CRX: variants seen among roughly 807,000 people sequenced by gnomAD.
CRX encodes the protein cone-rod homeobox protein.
A neutral mutation model predicts 13.1 loss-of-function variants in CRX; 5 were observed. That is an observed-to-expected ratio of 0.38 (90% CI 0.20 to 0.80). The LOEUF (loss-of-function observed/expected upper bound fraction) is 0.80. Among genes scored for constraint, CRX ranks in the 30% least tolerant of loss-of-function variants. CRX has a pLI of 0.43. For synonymous variants in CRX, 179 were observed against 171.1 expected (o/e 1.05, Z -0.36); for missense variants, 351 against 391.8 (o/e 0.90, Z 0.88).
Position 47,840,365 on chromosome 19 carries a change from ATAACT to A in CRX, c.*405_*409del, listed in dbSNP as rs565258200. On this transcript the variant is annotated 3_prime_UTR_variant, in exon 4 of 4. Transcript: ENST00000221996. ...TTGAACAAGCAGGTAGGGGGGCTTG[ATAACT>A]TAACTTTCCACGTGGACAGAATTTT... The A allele has an allele frequency of 1.3e-4, 29 of 227,212 alleles. No homozygotes were observed. In the South Asian group the frequency reaches 1.7e-3, roughly 13 times the overall value. 14.1% of individuals were successfully genotyped at this position (227,212 alleles called of 1,614,324 possible). A position where few individuals can be genotyped will look rare whatever the true frequency, so the allele number is the denominator to read the frequency against.
Position 47,836,268 on chromosome 19 carries a change from G to A in CRX, c.126G>A (p.Glu42=), listed in dbSNP as rs759088105. ...YPSAPRKQRR[E]RTTFTRSQLE... Reference sequence around the variant, plus strand: ...GCGCCCCCAGGAAGCAGCGGCGGGAGCGCACCACCTTCACCCGGAGCCAAC... The same window carrying A: ...GCGCCCCCAGGAAGCAGCGGCGGGAACGCACCACCTTCACCCGGAGCCAAC... The change falls in exon 3 of 4, where the codon GAG becomes GAA. Residue 42 remains glutamate, a synonymous_variant. Transcript: ENST00000221996. 6.2e-7 allele frequency: 1 copy of A among 1,614,178 alleles called. No homozygotes were observed.
intron 1 of CRX, 38 bp from the exon 2 acceptor site, chr19:47,834,371 C>T: frequency 8.7e-7 from 1 of 1,147,412 alleles, no homozygotes; most frequent in Non-Finnish European, 1.3e-6. Flanking sequence ...TGGTGAGTAA[C>T]TGGTAAGTGA....
chr19:47,832,532 C>T (rs1968065235), intron 1 of CRX, among the ~76,000 whole-genome samples: 1 of 151,884 alleles, frequency 6.6e-6, no homozygotes. Context: ...GTAGCCCAGG[C>T]TGGGGTGTGG....
chr19:47,826,433 T>C (rs1386929327), intron 1 of CRX, among the ~76,000 whole-genome samples: 1 of 138,064 alleles, frequency 7.2e-6, no homozygotes, highest in African/African-American at 2.7e-5. Flanking sequence ...GCAAGACACC[T>C]CTCTCTACAC....
chr19:47,829,818 G>A (rs998069102), intron 1 of CRX, among the ~76,000 whole-genome samples: 5 of 143,064 alleles, frequency 3.5e-5, no homozygotes, highest in African/African-American at 1.3e-4. Flanking sequence ...TTTTTTTTGT[G>A]GAGACAGCGT....
intron 3 of CRX, among the ~76,000 whole-genome samples, chr19:47,838,768 T>C (rs1968151515): frequency 6.6e-6 from 1 of 151,480 alleles, no homozygotes; most frequent in Admixed American, 6.6e-5. Flanking sequence ...TGTATGATCA[T>C]ATAGATGGGT....
In CRX at chr19:47,828,612, A is replaced by AGTGTGTGTGTGT. The variant is rs113277135; in HGVS notation, c.-35-5796_-35-5795insTGTGTGTGTGTG. On this transcript the variant is annotated intron_variant, in intron 1 of 3. Coordinates refer to ENST00000221996, the MANE Select transcript of CRX (RefSeq NM_000554.6). ...GTGTCTTGAAGAAAAGGAGGTAGGG[A>AGTGTGTGTGTGT]GCGTGTGTGTGTGTGTGTAAAATCC... Among the ~76,000 whole-genome samples, 1,433 of 149,602 alleles carry AGTGTGTGTGTGT rather than the reference A, an allele frequency of 9.6e-3. 14 individuals are homozygous for AGTGTGTGTGTGT. The highest frequency in any genetic ancestry group is 0.015 in the African/African-American group (627 of 40,494).
At chr19:47,836,209 T>G in intron 2 of CRX, 34 bp from the exon 3 acceptor site, 1 of 1,613,820 alleles carries the variant, frequency 6.2e-7, no homozygotes, top group Non-Finnish European at 8.5e-7. Flanking sequence ...CCCATGTGGA[T>G]GACCTGAGGG....
At chr19:47,835,900 C>T (rs1428394622) in intron 2 of CRX, among the ~76,000 whole-genome samples, 1 of 152,130 alleles carries the variant, frequency 6.6e-6, no homozygotes, top group East Asian at 1.9e-4. Flanking sequence ...GGATTATAGG[C>T]GTGAGCCACC....
At position 47,840,034 on chromosome 19, in the gene CRX, C is replaced by A; in HGVS notation, c.*67C>A. 1 of 1,580,270 alleles carries A rather than the reference C, an allele frequency of 6.3e-7. No homozygotes were observed. The highest frequency in any genetic ancestry group is 1.1e-5 in the South Asian group (1 of 90,042). On this transcript the variant is annotated 3_prime_UTR_variant, in exon 4 of 4. Coordinates refer to ENST00000221996, the MANE Select transcript of CRX (RefSeq NM_000554.6). The stretch of plus-strand genomic sequence containing the variant: ...TTTCTCTTCTGAATCTGCTTCCCTG[C>A]AGTTTAGATCCCGGGATGGCATTCC...
rs1309546371 is a variant in CRX at position 47,841,284 on chromosome 19, A to AT, written c.*1319dup. 3.3e-5 allele frequency: 5 copies of AT among 152,306 alleles called. No homozygotes were observed. The highest frequency in any genetic ancestry group is 2.6e-4 in the Admixed American group (4 of 15,294). The allele number at this position is 152,306 out of a possible 1,614,324, so 9.4% of individuals were successfully genotyped here. A position where few individuals can be genotyped will look rare whatever the true frequency, so the allele number is the denominator to read the frequency against. On this transcript the variant is annotated 3_prime_UTR_variant, in exon 4 of 4. Transcript: ENST00000221996. ...TCTTTTTAAAGACATTTTATCACTC[A>AT]TTCGCTCATTAGCACATTGGGAATG...
intron 3 of CRX, among the ~76,000 whole-genome samples, chr19:47,837,939 T>C (rs1417129893): frequency 1.4e-5 from 2 of 146,086 alleles, no homozygotes; most frequent in Non-Finnish European, 3.1e-5. Context: ...ATGGTGTATG[T>C]ATGTATAATT....
At position 47,834,521 on chromosome 19, in the gene CRX, G is replaced by A. The variant is rs886054544; in HGVS notation, c.78G>A (p.Met26Ile). 3.7e-6 allele frequency: 6 copies of A among 1,613,654 alleles called. No individual in the cohort carries two copies. Among genetic ancestry groups the A allele is most frequent in the South Asian group, 2.2e-5 (2 of 91,058 alleles). ...LALSGPSVDL[M>I]HQAVPYPSAP... is the part of the protein sequence containing the mutation. ...TAAGTGGCCCCAGTGTGGATCTGAT[G>A]CACCAGGCTGTGCCCTACCCAAGTG... Residue 26 changes from methionine (M) to isoleucine (I), a missense_variant, in exon 2 of 4, where the codon ATG becomes ATA. Around this residue, in one of 3 missense-constraint regions of CRX, gnomAD observed 95 missense variants for 106.7 expected, o/e 0.89. Coordinates refer to ENST00000221996, the MANE Select transcript of CRX (RefSeq NM_000554.6).
At chr19:47,829,864 G>C (rs1020627351) in intron 1 of CRX, among the ~76,000 whole-genome samples, 28 of 150,604 alleles carry the variant, frequency 1.9e-4, no homozygotes, top group African/African-American at 5.6e-4. Flanking sequence ...CGAACTCCTG[G>C]GCTCAAGCAA....
chr19:47,834,276 A>T, intron 1 of CRX, 133 bp from the exon 2 acceptor site: 1 of 675,904 alleles, frequency 1.5e-6, no homozygotes, highest in Non-Finnish European at 2.7e-6. Flanking sequence ...ACACAGAGGT[A>T]CAGAGAGGTG....
chr19:47,837,546 GAT>G, intron 3 of CRX, among the ~76,000 whole-genome samples: 1 of 152,334 alleles, frequency 6.6e-6, no homozygotes, highest in East Asian at 1.9e-4. Flanking sequence ...GTGTTAGTAT[GAT>G]TGTATATAGG....
chr19:47,822,621 A>G (rs898022511), intron 1 of CRX, among the ~76,000 whole-genome samples: 2 of 152,184 alleles, frequency 1.3e-5, no homozygotes, highest in Non-Finnish European at 1.5e-5. Context: ...CGAGAGAGCC[A>G]GGAATGTGAT....
intron 1 of CRX, among the ~76,000 whole-genome samples, chr19:47,830,850 G>A (rs1968035503): frequency 6.6e-6 from 1 of 150,460 alleles, no homozygotes; most frequent in Non-Finnish European, 1.5e-5. Context: ...AGTCAGGAAA[G>A]ACGGGCTGGA....
intron 1 of CRX, among the ~76,000 whole-genome samples, chr19:47,828,746 A>G (rs1298660880): frequency 6.6e-6 from 1 of 151,804 alleles, no homozygotes; most frequent in Non-Finnish European, 1.5e-5. Flanking sequence ...AGGCGTTCCT[A>G]GCCCAGGAAA....
Sources: allele counts gnomAD v4.1 joint callset (sites outside exome capture counted in the v4.1 genomes callset), GRCh38; gene constraint gnomAD v4.1.1; regional missense constraint gnomAD v4.1.1; transcripts MANE v1.5; gene names NCBI Gene and HGNC (gene_info 2026-07-23, HGNC 2026-07-21).